The following IGF2BP1 variants were observed in gnomAD, a reference collection of about 807,000 sequenced individuals.
IGF2BP1 encodes the protein insulin like growth factor 2 mRNA binding protein 1.
In IGF2BP1, 11 loss-of-function variants were observed where a neutral mutation model predicts 74.9. The ratio of observed to expected loss-of-function variants is 0.15; its 90% CI spans 0.09 to 0.24. The LOEUF (loss-of-function observed/expected upper bound fraction) is 0.24. IGF2BP1 is among the 10% of genes least tolerant of loss of function. The pLI is 1.00. For synonymous variants in IGF2BP1, 287 were observed against 281.8 expected (o/e 1.02, Z -0.18); for missense variants, 440 against 757.4 (o/e 0.58, Z 4.92).
At chr17:49,004,435 A>G (rs182863347) in intron 2 of IGF2BP1, among the ~76,000 whole-genome samples, 21 of 152,354 alleles carry the variant, frequency 1.4e-4, no homozygotes, top group African/African-American at 5.0e-4. Context: ...GAGTAGGTAA[A>G]GGGAAAATAG....
intron 5 of IGF2BP1, among the ~76,000 whole-genome samples, chr17:49,033,231 C>T (rs2041945640): frequency 6.6e-6 from 1 of 152,122 alleles, no homozygotes; most frequent in African/African-American, 2.4e-5. Flanking sequence ...TCACTGCAAC[C>T]TGCGCCTCCT....
chr17:49,042,230 T>C lies in IGF2BP1; in HGVS notation c.942-12T>C, dbSNP rs1481837184. 37 of 1,614,030 alleles carry C rather than the reference T, an allele frequency of 2.3e-5. No individual in the cohort carries two copies. The highest frequency in any genetic ancestry group is 3.1e-5 in the Non-Finnish European group (36 of 1,180,006). On this transcript the variant is annotated splice_polypyrimidine_tract_variant and intron_variant, in intron 8 of 14. Coordinates refer to ENST00000290341, the MANE Select transcript of IGF2BP1 (RefSeq NM_006546.4). ...TGCCAGTGAAAGGACACAACTCTGC[T>C]CTTTCTGCCAGGTTGCAAGACCTTA...
intron 5 of IGF2BP1, among the ~76,000 whole-genome samples, chr17:49,032,470 C>T (rs1004935514): frequency 6.6e-6 from 1 of 152,142 alleles, no homozygotes; most frequent in African/African-American, 2.4e-5. Context: ...TTAGTCCCAT[C>T]GCACCCACAA....
At position 49,025,862 on chromosome 17, in the gene IGF2BP1, T is replaced by C. The variant is rs983450644; in HGVS notation, c.285+196T>C. On this transcript the variant is annotated intron_variant, in intron 3 of 14. Transcript: ENST00000290341. ...TTTCTTTCTTTCTTTTCTTTCTTTT[T>C]TTTTTTTTTTGAGATGGAGTTTTGC... 8.3e-5 allele frequency among the ~76,000 whole-genome samples: 7 copies of C among 84,614 alleles called. 1 individual carries two copies. The highest frequency in any genetic ancestry group is 3.7e-5 in the African/African-American group (1 of 27,006). The allele number at this position is 84,614 out of a possible 152,430, so 55.5% of individuals were successfully genotyped here. A position where few individuals can be genotyped will look rare whatever the true frequency, so the allele number is the denominator to read the frequency against.
At chr17:49,010,434 A>G (rs2041603538) in intron 2 of IGF2BP1, among the ~76,000 whole-genome samples, 1 of 146,294 alleles carries the variant, frequency 6.8e-6, no homozygotes, top group East Asian at 2.1e-4. Context: ...CTCCTGCCTC[A>G]GCCTCCCCGA....
chr17:49,025,767 G>T, intron 3 of IGF2BP1, 101 bp downstream of exon 3: 1 of 1,037,846 alleles, frequency 9.6e-7, no homozygotes. Context: ...GAGGTCTGGG[G>T]CCAGGCTAGG....
At position 49,053,000 on chromosome 17, in the gene IGF2BP1, G is replaced by T. The variant is rs2042184935; in HGVS notation, c.*3556G>T. ...CTTTAATCCCCTCTCGGGTCTGGTT[G>T]CCTTTTGCAGTTTGGGTTGTGGACT... is the stretch of plus-strand genomic sequence containing the variant. On this transcript the variant is annotated 3_prime_UTR_variant, in exon 15 of 15. Coordinates refer to ENST00000290341, the MANE Select transcript of IGF2BP1 (RefSeq NM_006546.4). The T allele has an allele frequency of 6.6e-6, 1 of 152,220 alleles. No homozygotes were observed. The highest frequency in any genetic ancestry group is 2.4e-5 in the African/African-American group (1 of 41,450). 9.4% of individuals were successfully genotyped at this position (152,220 alleles called of 1,614,324 possible).
upstream of IGF2BP1, chr17:48,996,589 C>G (rs1057049015): frequency 6.6e-6 from 1 of 152,404 alleles, no homozygotes; most frequent in Admixed American, 6.5e-5. Context: ...GCTATCACTC[C>G]TCTTCCTTGT....
intron 5 of IGF2BP1, among the ~76,000 whole-genome samples, chr17:49,032,642 C>T (rs886430067): frequency 6.6e-6 from 1 of 152,194 alleles, no homozygotes; most frequent in Non-Finnish European, 1.5e-5. Context: ...ATGCCGCCTT[C>T]TCCAATCTAA....
In IGF2BP1 at chr17:49,054,906, C is replaced by A. The variant is rs542239789; in HGVS notation, c.*5462C>A. ...TGAGGGCGCGGTCCTTGGACTCATT[C>A]AGGCCGTCTTTGTAGTTGGGGGAGT... On this transcript the variant is annotated 3_prime_UTR_variant, in exon 15 of 15. Transcript: ENST00000290341. 1 of 152,498 alleles carries A rather than the reference C, an allele frequency of 6.6e-6. No individual in the cohort carries two copies. Among genetic ancestry groups the A allele is most frequent in the Non-Finnish European group, 1.5e-5 (1 of 68,030 alleles). The allele number at this position is 152,498 out of a possible 1,614,324, so 9.4% of individuals were successfully genotyped here.
chr17:49,043,495 C>T lies in IGF2BP1; in HGVS notation c.1145C>T (p.Ala382Val), dbSNP rs1318221519. 1 of 1,614,030 alleles carries T rather than the reference C, an allele frequency of 6.2e-7. No individual in the cohort carries two copies. The highest frequency in any genetic ancestry group is 1.3e-5 in the African/African-American group (1 of 74,934). ...AVGLFPASSSAVPPPPSSVTG... is the reference protein window; with the variant it reads ...AVGLFPASSSVVPPPPSSVTG... ...GGTCTTTTCCCAGCTTCATCCAGCG[C>T]AGTCCCGCCGCCTCCCAGCAGCGTT... is the stretch of plus-strand genomic sequence containing the variant. The change falls in exon 10 of 15, where the codon GCA (alanine) becomes GTA (valine). Residue 382 changes from alanine (A) to valine (V), a missense_variant. Physicochemically the swap from Ala to Val is moderately conservative, Grantham distance 64 (BLOSUM62 0). Coordinates refer to ENST00000290341, the MANE Select transcript of IGF2BP1 (RefSeq NM_006546.4).
chr17:49,030,111 CA>C (rs2041905453), intron 4 of IGF2BP1, among the ~76,000 whole-genome samples: 1 of 151,064 alleles, frequency 6.6e-6, no homozygotes, highest in African/African-American at 2.4e-5. Flanking sequence ...TAGACTTCTA[CA>C]GCCATTCCTG....
At chr17:49,039,365 C>T (rs1163516048) in intron 6 of IGF2BP1, among the ~76,000 whole-genome samples, 3 of 152,058 alleles carry the variant, frequency 2.0e-5, no homozygotes, top group Admixed American at 6.5e-5. Flanking sequence ...CTGGTAATTC[C>T]CACCCCTGCA....
At chr17:49,005,973 AATT>A (rs1158009401) in intron 2 of IGF2BP1, among the ~76,000 whole-genome samples, 1 of 152,104 alleles carries the variant, frequency 6.6e-6, no homozygotes, top group African/African-American at 2.4e-5. Context: ...GAGGCCAGAG[AATT>A]GCTTAAATCT....
chr17:49,019,904 TTATATATATATATATATATATATATATA>T (rs60753189), intron 2 of IGF2BP1, among the ~76,000 whole-genome samples: 458 of 43,906 alleles, frequency 0.01, 21 homozygotes, highest in South Asian at 0.022. Flanking sequence ...CCTGGCTAAT[TTATATATATATATATATATATATATATA>T]TATATATATA....
intron 2 of IGF2BP1, among the ~76,000 whole-genome samples, chr17:49,007,919 C>T (rs1428238304): frequency 2.6e-5 from 4 of 152,170 alleles, no homozygotes; most frequent in East Asian, 3.8e-4. Context: ...CGCCTGTAAT[C>T]CCAGCACTTT....
chr17:49,005,589 A>G (rs932799635), intron 2 of IGF2BP1, among the ~76,000 whole-genome samples: 27 of 152,154 alleles, frequency 1.8e-4, no homozygotes, highest in African/African-American at 5.8e-4. Context: ...TGTGGAGAAA[A>G]ATCCCATAAT....
Position 49,040,206 on chromosome 17 carries a change from A to G in IGF2BP1, c.818+115A>G, listed in dbSNP as rs1197840937. 3.5e-6 allele frequency: 4 copies of G among 1,139,262 alleles called. No individual in the cohort carries two copies. The African/African-American group carries it at 6.2e-5, about 18-fold the overall frequency. 70.6% of individuals were successfully genotyped at this position (1,139,262 alleles called of 1,614,324 possible). A position where few individuals can be genotyped will look rare whatever the true frequency, so the allele number is the denominator to read the frequency against. On this transcript the variant is annotated intron_variant, in intron 7 of 14. Transcript: ENST00000290341. ...AAGAAATACAGTCAGCAATTGCACA[A>G]AAAGATGTAAACTGAGAAATAAAAT...
At chr17:49,034,676 G>A (rs1342587542) in intron 5 of IGF2BP1, among the ~76,000 whole-genome samples, 6 of 151,128 alleles carry the variant, frequency 4.0e-5, no homozygotes, top group African/African-American at 1.5e-4. Flanking sequence ...GGTGGAGGTT[G>A]CAGTGGGTTG....
Sources: gnomAD v4.1 joint callset for allele counts (sites outside exome capture counted in the v4.1 genomes callset) on GRCh38, gnomAD v4.1.1 for gene constraint, MANE v1.5 for transcripts, NCBI Gene and HGNC (gene_info 2026-07-23, HGNC 2026-07-21) for gene names.